The following TSPAN9 variants were observed in gnomAD, a reference collection of about 807,000 sequenced individuals.
The protein encoded by TSPAN9 is tetraspanin 9.
In TSPAN9, 16 loss-of-function variants were observed where a neutral mutation model predicts 31.0. The ratio of observed to expected loss-of-function variants is 0.52; its 90% CI spans 0.35 to 0.78. The LOEUF is 0.78. Ranked by LOEUF, TSPAN9 falls within the 30% of genes least tolerant of loss-of-function variation. The probability of loss-of-function intolerance (pLI) is 0.01; values close to 1 mark genes in which losing one functional copy is unlikely to be tolerated. For missense variants in TSPAN9, 272 were observed against 312.5 expected (o/e 0.87, Z 0.98); for synonymous variants, 145 against 121.6 (o/e 1.19, Z -1.27).
At chr12:3,145,891 A>C (rs181419061) in intron 2 of TSPAN9, among the ~76,000 whole-genome samples, 2 of 152,224 alleles carry the variant, frequency 1.3e-5, no homozygotes, top group Non-Finnish European at 2.9e-5. Flanking sequence ...GGTGGGTTTC[A>C]TTAGCATGGG....
intron 3 of TSPAN9, among the ~76,000 whole-genome samples, chr12:3,266,464 G>A (rs567212577): frequency 1.1e-3 from 163 of 152,334 alleles, no homozygotes; most frequent in Non-Finnish European, 1.5e-3. Flanking sequence ...CGGGCCGTGG[G>A]CACTGGGAGC....
At chr12:3,087,503 G>A (rs112165759) in intron 2 of TSPAN9, among the ~76,000 whole-genome samples, 6,721 of 151,876 alleles carry the variant, frequency 0.044, 496 homozygotes, top group African/African-American at 0.15. Flanking sequence ...GACAGAGTGA[G>A]ACCCTGTCTC....
At chr12:3,127,336 C>T (rs902604003) in intron 2 of TSPAN9, among the ~76,000 whole-genome samples, 9 of 151,968 alleles carry the variant, frequency 5.9e-5, no homozygotes, top group African/African-American at 1.2e-4. Flanking sequence ...TGCTTGAGGC[C>T]GTTTTACTTA....
chr12:3,138,333 C>T (rs1268136838), intron 2 of TSPAN9, among the ~76,000 whole-genome samples: 2 of 152,100 alleles, frequency 1.3e-5, no homozygotes, highest in East Asian at 1.9e-4. Flanking sequence ...CTCCTCACTG[C>T]GGGTCATTCA....
chr12:3,164,600 G>C (rs1804223327), intron 2 of TSPAN9, among the ~76,000 whole-genome samples: 1 of 152,236 alleles, frequency 6.6e-6, no homozygotes, highest in Admixed American at 6.5e-5. Flanking sequence ...GGATCGTGGT[G>C]ATGCAGAGGC....
intron 3 of TSPAN9, among the ~76,000 whole-genome samples, chr12:3,213,210 C>T (rs2098379668): frequency 6.6e-6 from 1 of 152,116 alleles, no homozygotes; most frequent in East Asian, 1.9e-4. Flanking sequence ...GGGCGGGCAA[C>T]CTGGGGAGTC....
At chr12:3,215,085 C>T (rs2098380679) in intron 3 of TSPAN9, among the ~76,000 whole-genome samples, 1 of 152,190 alleles carries the variant, frequency 6.6e-6, no homozygotes, top group Non-Finnish European at 1.5e-5. Context: ...CCACCCCCAT[C>T]CCCAAGTCTC....
intron 2 of TSPAN9, among the ~76,000 whole-genome samples, chr12:3,193,356 T>C (rs1246529217): frequency 6.6e-6 from 1 of 152,208 alleles, no homozygotes; most frequent in Admixed American, 6.5e-5. Context: ...TGGCTCCTCA[T>C]GGTCCAGAAG....
chr12:3,263,521 C>G (rs143035199), intron 3 of TSPAN9, among the ~76,000 whole-genome samples: 1 of 152,190 alleles, frequency 6.6e-6, no homozygotes, highest in Non-Finnish European at 1.5e-5. Context: ...GGTGTAGCAA[C>G]GCACCGGCCT....
chr12:3,119,023 C>T (rs1244370310), intron 2 of TSPAN9, among the ~76,000 whole-genome samples: 1 of 152,154 alleles, frequency 6.6e-6, no homozygotes, highest in Admixed American at 6.5e-5. Flanking sequence ...TTAGCACCGC[C>T]TTTGGGACAC....
rs540687280 is a variant in TSPAN9, at chr12:3,170,592, G to C, written c.-17-30585G>C. ...AGAGATCACTGAGTCAGTTCTGTGT[G>C]GGGGGGTCGTGATGGGGGAGCAGAT... On this transcript the variant is annotated intron_variant, in intron 2 of 8. Coordinates refer to ENST00000011898, the MANE Select transcript of TSPAN9 (RefSeq NM_006675.5). The surrounding 1 kb of genome is among the most constrained non-coding windows in gnomAD (Gnocchi z 4.4). Among the ~76,000 whole-genome samples the C allele has an allele frequency of 7.9e-5, 12 of 151,356 alleles. No individual in the cohort carries two copies. The highest frequency in any genetic ancestry group is 2.7e-4 in the African/African-American group (11 of 41,264).
At chr12:3,251,088 G>GGTTA (rs879477576) in intron 3 of TSPAN9, among the ~76,000 whole-genome samples, 7 of 152,346 alleles carry the variant, frequency 4.6e-5, no homozygotes, top group Admixed American at 4.6e-4. Flanking sequence ...CCTCTCCCCA[G>GGTTA]GTTAGTGTCT....
chr12:3,147,614 C>T lies in TSPAN9; in HGVS notation c.-17-53563C>T, dbSNP rs143682191. 6.6e-6 allele frequency among the ~76,000 whole-genome samples: 1 copy of T among 152,304 alleles called. No individual in the cohort carries two copies. The highest frequency in any genetic ancestry group is 1.5e-5 in the Non-Finnish European group (1 of 68,042). On this transcript the variant is annotated intron_variant, in intron 2 of 8. Transcript: ENST00000011898. This position sits in a 1 kb window ranked among gnomAD's most constrained non-coding sequence, Gnocchi z 4.3. ...TGGAAGTGTTCTGTTCTGTACCGCC[C>T]AGTACAGTAGCCACCGGCTACATGT...
intron 3 of TSPAN9, chr12:3,215,227 T>C (rs1488271811): frequency 3.9e-5 from 6 of 152,248 alleles, no homozygotes; most frequent in Non-Finnish European, 8.8e-5. Flanking sequence ...AACTGGAAAG[T>C]ACTGCACACA....
chr12:3,253,175 G>C (rs754387341), intron 3 of TSPAN9, among the ~76,000 whole-genome samples: 2 of 152,168 alleles, frequency 1.3e-5, no homozygotes, highest in African/African-American at 2.4e-5. Context: ...ATGTATTACA[G>C]TCTCTCTCTC....
intron 2 of TSPAN9, among the ~76,000 whole-genome samples, chr12:3,181,724 T>C (rs1194461816): frequency 6.6e-6 from 1 of 152,188 alleles, no homozygotes; most frequent in Non-Finnish European, 1.5e-5. Flanking sequence ...GACTCACACC[T>C]GGGCCTTCTG....
At chr12:3,239,606 A>T (rs1424152833) in intron 3 of TSPAN9, among the ~76,000 whole-genome samples, 1 of 152,204 alleles carries the variant, frequency 6.6e-6, no homozygotes, top group South Asian at 2.1e-4. Context: ...TTAGAAGTAG[A>T]AAGTCTCTTT....
chr12:3,188,310 A>C (rs1591667109), intron 2 of TSPAN9, among the ~76,000 whole-genome samples: 1 of 152,158 alleles, frequency 6.6e-6, no homozygotes, highest in Admixed American at 6.5e-5. Context: ...GTTCCACAGC[A>C]CTGGGGTGGC....
chr12:3,263,790 T>C (rs1285915934), intron 3 of TSPAN9, among the ~76,000 whole-genome samples: 1 of 151,688 alleles, frequency 6.6e-6, no homozygotes, highest in Non-Finnish European at 1.5e-5. Flanking sequence ...CTGCAGAGTG[T>C]TGGGGGGTGA....
Sources: gnomAD v4.1 joint callset for allele counts (sites outside exome capture counted in the v4.1 genomes callset) on GRCh38, gnomAD v4.1.1 for gene constraint, Gnocchi (gnomAD v3.1) non-coding constraint, MANE v1.5 for transcripts, NCBI Gene and HGNC (gene_info 2026-07-23, HGNC 2026-07-21) for gene names.